The following RERE variants were observed in gnomAD, a reference collection of about 807,000 sequenced individuals.
RERE encodes arginine-glutamic acid dipeptide repeats, also known as arginine-glutamic acid dipeptide repeats protein.
RERE carries 40 observed loss-of-function variants against 146.1 expected under a neutral mutation model. The observed-to-expected ratio is 0.27, with a 90% CI of 0.21 to 0.36. The LOEUF is 0.36. Ranked by LOEUF, RERE falls within the 10% of genes least tolerant of loss-of-function variation. The probability of loss-of-function intolerance (pLI) is 1.00; values close to 1 mark genes in which losing one functional copy is unlikely to be tolerated. For missense variants in RERE, 1,933 were observed against 2,138.7 expected (o/e 0.90, Z 1.90); for synonymous variants, 1,003 against 866.0 (o/e 1.16, Z -2.78).
chr1:8,601,667 C>CACACACACAT (rs1557427296), intron 4 of RERE, among the ~76,000 whole-genome samples: 1 of 133,858 alleles, frequency 7.5e-6, no homozygotes, highest in Non-Finnish European at 1.7e-5. Context: ...CACACACACA[C>CACACACACAT]ACACATCTTC....
rs763503958 is a variant in RERE, at chr1:8,422,818, AAG to A, written c.1204-13_1204-12del. ...CTTAACGAAGCGTTTCTGTGATAAA[AAG>A]AAACAAATGGGATGTAAAAACCAAA... On this transcript the variant is annotated splice_polypyrimidine_tract_variant and intron_variant, in intron 11 of 22. Coordinates refer to ENST00000400908, the MANE Select transcript of RERE (RefSeq NM_001042681.2). The A allele has an allele frequency of 3.1e-6, 5 of 1,607,428 alleles. No homozygotes were observed. The East Asian group carries it at 8.9e-5, about 29-fold the overall frequency.
intron 7 of RERE, among the ~76,000 whole-genome samples, chr1:8,510,002 T>C (rs1007944899): frequency 1.3e-5 from 2 of 152,066 alleles, no homozygotes; most frequent in Non-Finnish European, 2.9e-5. Flanking sequence ...GAATCTTGCT[T>C]GGGCAAAGGT....
At chr1:8,676,048 A>G (rs1638834012) in intron 1 of RERE, among the ~76,000 whole-genome samples, 1 of 152,224 alleles carries the variant, frequency 6.6e-6, no homozygotes, top group South Asian at 2.1e-4. Context: ...ATTACCATAT[A>G]AAGGGTCTAT....
At chr1:8,446,848 T>G (rs1644327869) in intron 11 of RERE, among the ~76,000 whole-genome samples, 1 of 151,750 alleles carries the variant, frequency 6.6e-6, no homozygotes, top group South Asian at 2.1e-4. Flanking sequence ...TAATTTTTTT[T>G]TTTTGTATTT....
intron 8 of RERE, among the ~76,000 whole-genome samples, chr1:8,503,245 C>T (rs189223591): frequency 6.8e-4 from 104 of 152,092 alleles, no homozygotes; most frequent in African/African-American, 2.5e-3. Flanking sequence ...CATAAAGCCA[C>T]GAAAAAAATT....
chr1:8,478,894 G>A (rs1223128126), intron 10 of RERE, among the ~76,000 whole-genome samples: 4 of 152,042 alleles, frequency 2.6e-5, no homozygotes, highest in Non-Finnish European at 5.9e-5. Context: ...GAAACAACCT[G>A]GGAGGTCAGA....
chr1:8,383,690 C>G (rs1252336909), intron 12 of RERE, among the ~76,000 whole-genome samples: 2 of 151,970 alleles, frequency 1.3e-5, no homozygotes, highest in Admixed American at 1.3e-4. Context: ...GAAACTTTAT[C>G]TCTACTAAAA....
chr1:8,381,862 G>A (rs1370061214), intron 12 of RERE, among the ~76,000 whole-genome samples: 1 of 152,212 alleles, frequency 6.6e-6, no homozygotes, highest in Non-Finnish European at 1.5e-5. Flanking sequence ...CACAGGCCTT[G>A]GCTTGACACT....
rs74049629 is a variant in RERE at position 8,399,807 on chromosome 1, A to T, written c.1284+22920T>A. ...TTAATATTTTATTATGTCTTTTTTT[A>T]AAAAAAAAAATAAAGAATTTGCATA... On this transcript the variant is annotated intron_variant, in intron 12 of 22. Transcript: ENST00000400908. 6.5e-3 allele frequency among the ~76,000 whole-genome samples: 935 copies of T among 143,896 alleles called. 5 individuals carry two copies. The highest frequency in any genetic ancestry group is 0.02 in the African/African-American group (754 of 37,710). The allele number at this position is 143,896 out of a possible 152,430, so 94.4% of individuals were successfully genotyped here. A position where few individuals can be genotyped will look rare whatever the true frequency, so the allele number is the denominator to read the frequency against.
At position 8,359,823 on chromosome 1, in the gene RERE, C is replaced by A; in HGVS notation, c.3559G>T (p.Glu1187Ter). The change falls in exon 19 of 23, where the codon GAG (glutamate) becomes TAG (stop). Residue 1187 changes from glutamate (E) to a stop codon, truncating the protein, a stop_gained. Transcript: ENST00000400908. LOFTEE classifies it high-confidence loss of function. ...TCCCGCTCCCGCTCCTTCTCCTTCT[C>A]CTTCTCCCGCTCTCGCTCCTCTCGG... ...KAREEREREK[E>*]KEKERERERE... 1 of 1,608,084 alleles carries A rather than the reference C, an allele frequency of 6.2e-7. No homozygotes were observed.
intron 11 of RERE, among the ~76,000 whole-genome samples, chr1:8,458,435 T>C (rs1213797027): frequency 6.6e-6 from 1 of 152,126 alleles, no homozygotes; most frequent in Non-Finnish European, 1.5e-5. Flanking sequence ...ATGAAAAATA[T>C]ACCGTCAAAA....
intron 11 of RERE, among the ~76,000 whole-genome samples, chr1:8,436,719 G>C (rs1466740847): frequency 6.6e-6 from 1 of 152,142 alleles, no homozygotes; most frequent in African/African-American, 2.4e-5. Context: ...TAATTTAAAT[G>C]TTTTATTTAA....
chr1:8,779,883 C>T (rs1641134673), intron 1 of RERE, among the ~76,000 whole-genome samples: 1 of 152,112 alleles, frequency 6.6e-6, no homozygotes, highest in East Asian at 1.9e-4. Context: ...AGTGCTTACA[C>T]TCATTTATTT....
Position 8,356,694 on chromosome 1 carries a change from G to A in RERE, c.4340-448C>T, listed in dbSNP as rs986696366. 2.6e-5 allele frequency among the ~76,000 whole-genome samples: 4 copies of A among 152,172 alleles called. No homozygotes were observed. Among genetic ancestry groups the A allele is most frequent in the Non-Finnish European group, 1.5e-5 (1 of 68,018 alleles). ...TCGCAGAACCTAAAGGAGGCCAGCA[G>A]AGTGGGTGGCGCAGAATGGGGACCT... is the stretch of plus-strand genomic sequence containing the variant. On this transcript the variant is annotated intron_variant, in intron 20 of 22. Transcript: ENST00000400908. This position sits in a 1 kb window ranked among gnomAD's most constrained non-coding sequence, Gnocchi z 5.2.
Position 8,777,442 on chromosome 1 carries a change from A to G in RERE, c.-145+39718T>C, listed in dbSNP as rs1641085375. On this transcript the variant is annotated intron_variant, in intron 1 of 22. Transcript: ENST00000400908. ...TGAAGAAAAATATCAAGAAAATAGGAAAACAGAAGAGAATGAACATTATAT... is the reference window on the plus strand; with the variant it reads ...TGAAGAAAAATATCAAGAAAATAGGGAAACAGAAGAGAATGAACATTATAT... 2.6e-5 allele frequency among the ~76,000 whole-genome samples: 4 copies of G among 152,320 alleles called. No individual in the cohort carries two copies. The South Asian group carries it at 8.3e-4, about 32-fold the overall frequency.
In RERE at chr1:8,371,894, C is replaced by T. The variant is rs935162798; in HGVS notation, c.1285-5920G>A. 1.3e-3 allele frequency among the ~76,000 whole-genome samples: 205 copies of T among 152,172 alleles called. 3 individuals carry two copies. The highest frequency in any genetic ancestry group is 3.7e-4 in the Non-Finnish European group (25 of 68,036). On this transcript the variant is annotated intron_variant, in intron 12 of 22. Coordinates refer to ENST00000400908, the MANE Select transcript of RERE (RefSeq NM_001042681.2). ...CCCGACCCAGGGGCCAAGTGGGTGC[C>T]CCTGTGTATGTGCATGTGTGCACAG...
chr1:8,379,846 G>A (rs1454749207), intron 12 of RERE, among the ~76,000 whole-genome samples: 1 of 152,228 alleles, frequency 6.6e-6, no homozygotes, highest in Non-Finnish European at 1.5e-5. Context: ...ATGCCAGATG[G>A]ACCTAGATCT....
intron 1 of RERE, among the ~76,000 whole-genome samples, chr1:8,705,817 A>T (rs1461121876): frequency 6.6e-6 from 1 of 152,126 alleles, no homozygotes; most frequent in Non-Finnish European, 1.5e-5. Flanking sequence ...ATCTATGCAA[A>T]TAAGAATATC....
chr1:8,727,339 T>A (rs1467277539), intron 1 of RERE, among the ~76,000 whole-genome samples: 1 of 149,340 alleles, frequency 6.7e-6, no homozygotes, highest in Non-Finnish European at 1.5e-5. Context: ...ACAGAATTTC[T>A]CCATGTTGGT....
Sources: gnomAD v4.1 joint callset for allele counts (sites outside exome capture counted in the v4.1 genomes callset) on GRCh38, gnomAD v4.1.1 for gene constraint, Gnocchi (gnomAD v3.1) non-coding constraint, MANE v1.5 for transcripts, NCBI Gene and HGNC (gene_info 2026-07-23, HGNC 2026-07-21) for gene names.